Variants in PNPT1 observed in about 807,000 individuals in gnomAD.
The protein encoded by PNPT1 is polyribonucleotide nucleotidyltransferase 1, mitochondrial.
A neutral mutation model predicts 119.5 loss-of-function variants in PNPT1; 53 were observed. That is an observed-to-expected ratio of 0.44 (90% CI 0.36 to 0.56). The LOEUF is 0.56. PNPT1 is among the 20% of genes least tolerant of loss of function. The pLI is 0.00. For synonymous variants in PNPT1, 357 were observed against 322.1 expected, an observed-to-expected ratio of 1.11 and a Z score of -1.16; for missense variants, 948 against 938.5, an observed-to-expected ratio of 1.01 and a Z score of -0.13.
At position 55,691,879 on chromosome 2, in the gene PNPT1, T is replaced by TATATATATATATATATA. The variant is rs1491131806; in HGVS notation, c.161+1783_161+1784insTATATATATATATATAT. Among the ~76,000 whole-genome samples the TATATATATATATATATA allele has an allele frequency of 8.2e-4, 7 of 8,508 alleles. No individual in the cohort carries two copies. The Admixed American group carries it at 0.011, about 14-fold the overall frequency. The allele number at this position is 8,508 out of a possible 152,430, so 5.6% of individuals were successfully genotyped here. ...ATATATATATATATATATATATATA[T>TATATATATATATATATA]TTTTTTTTTTTTTTTTTTTTTTTGA... On this transcript the variant is annotated intron_variant, in intron 1 of 27. Coordinates refer to ENST00000447944, the MANE Select transcript of PNPT1 (RefSeq NM_033109.5).
chr2:55,638,938 C>T (rs913700218), intron 26 of PNPT1, among the ~76,000 whole-genome samples: 2 of 152,058 alleles, frequency 1.3e-5, no homozygotes, highest in Admixed American at 6.6e-5. Context: ...TCATGCCCAG[C>T]TAATTTTTTC....
chr2:55,642,449 A>G (rs1195269333), intron 25 of PNPT1, among the ~76,000 whole-genome samples: 1 of 151,802 alleles, frequency 6.6e-6, no homozygotes, highest in East Asian at 2.0e-4. Flanking sequence ...TACTAAAAAT[A>G]CAAAAAATAA....
intron 1 of PNPT1, among the ~76,000 whole-genome samples, chr2:55,689,967 G>A (rs921615787): frequency 1.3e-5 from 2 of 152,086 alleles, no homozygotes; most frequent in African/African-American, 4.8e-5. Flanking sequence ...AAATACAGGT[G>A]TGCACCACCA....
rs563323739 is a variant in PNPT1, at chr2:55,649,794, G to C, written c.1496-2341C>G. 2.6e-5 allele frequency among the ~76,000 whole-genome samples: 4 copies of C among 152,342 alleles called. No individual in the cohort carries two copies. The East Asian group carries it at 7.7e-4, about 29-fold the overall frequency. On this transcript the variant is annotated intron_variant, in intron 18 of 27. Coordinates refer to ENST00000447944, the MANE Select transcript of PNPT1 (RefSeq NM_033109.5). ...TACATGTCCTATTCCTAGAGAGTCA[G>C]TATTCGGATTAGCTTATTAAAGTCT...
chr2:55,642,005 C>A (rs1695847609), intron 25 of PNPT1, among the ~76,000 whole-genome samples: 1 of 152,062 alleles, frequency 6.6e-6, no homozygotes, highest in Non-Finnish European at 1.5e-5. Context: ...CCATGCCTGG[C>A]TAACTTTTGT....
intron 8 of PNPT1, among the ~76,000 whole-genome samples, chr2:55,676,262 C>CAAAAAAAAAAAAAAAAAA (rs11400030): frequency 1.2e-5 from 1 of 82,852 alleles, no homozygotes; most frequent in Non-Finnish European, 2.1e-5. Flanking sequence ...CCATCTCAAC[C>CAAAAAAAAAAAAAAAAAA]AAAAAAAAAA....
intron 8 of PNPT1, among the ~76,000 whole-genome samples, chr2:55,675,771 C>T (rs779289018): frequency 1.7e-4 from 26 of 152,096 alleles, no homozygotes; most frequent in Admixed American, 3.3e-4. Flanking sequence ...ATGGTAACTA[C>T]TAGCCACATA....
chr2:55,655,238 A>G (rs1389686880), intron 17 of PNPT1, among the ~76,000 whole-genome samples: 1 of 152,168 alleles, frequency 6.6e-6, no homozygotes, highest in East Asian at 1.9e-4. Flanking sequence ...TATCATCACA[A>G]AAAGTTTTAT....
intron 18 of PNPT1, among the ~76,000 whole-genome samples, chr2:55,653,697 G>A (rs1696283540): frequency 6.6e-6 from 1 of 152,144 alleles, no homozygotes; most frequent in African/African-American, 2.4e-5. Context: ...TTCCTTTATT[G>A]AATAAATTAC....
At chr2:55,655,021 G>T in intron 17 of PNPT1, 68 bp from the exon 18 acceptor site, 1 of 1,352,892 alleles carries the variant, frequency 7.4e-7, no homozygotes, top group South Asian at 1.2e-5. Context: ...GTTACTATTG[G>T]TTATTTCCTT....
chr2:55,643,339 T>C lies in PNPT1; in HGVS notation c.1993A>G (p.Thr665Ala). The C allele has an allele frequency of 6.2e-7, 1 of 1,614,188 alleles. No individual in the cohort carries two copies. Among genetic ancestry groups the C allele is most frequent in the South Asian group, 1.1e-5 (1 of 91,084 alleles). Reference sequence around the variant, plus strand: ...CTTACATCATCCTTGCAGATTTCAGTAATGAAGTCTCTTGCCTCATGCATA... The same window carrying C: ...CTTACATCATCCTTGCAGATTTCAGCAATGAAGTCTCTTGCCTCATGCATA... ...SAMHEARDFI[T>A]EICKDDQEQQ... Residue 665 changes from threonine to alanine, a missense_variant, in exon 24 of 28, where the codon ACT (threonine) becomes GCT (alanine). Coordinates refer to ENST00000447944, the MANE Select transcript of PNPT1 (RefSeq NM_033109.5).
chr2:55,669,594 G>C (rs559874202), intron 11 of PNPT1, among the ~76,000 whole-genome samples: 2 of 152,266 alleles, frequency 1.3e-5, no homozygotes, highest in African/African-American at 4.8e-5. Flanking sequence ...GGGTCGTGAA[G>C]ATATTCTACT....
intron 15 of PNPT1, among the ~76,000 whole-genome samples, 162 bp downstream of exon 15, chr2:55,659,995 T>A (rs1696512628): frequency 1.3e-5 from 2 of 151,970 alleles, no homozygotes; most frequent in Admixed American, 1.3e-4. Context: ...TCCCAGCTAC[T>A]TGGGAGGCTG....
At chr2:55,639,067 C>T (rs1046497037) in intron 26 of PNPT1, among the ~76,000 whole-genome samples, 4 of 152,100 alleles carry the variant, frequency 2.6e-5, no homozygotes, top group Non-Finnish European at 4.4e-5. Context: ...TGAGCCACTG[C>T]ACCTGGCCCA....
chr2:55,656,103 C>T (rs865835043), intron 17 of PNPT1, 28 bp downstream of exon 17: 3 of 1,595,896 alleles, frequency 1.9e-6, no homozygotes, highest in Non-Finnish European at 2.6e-6. Context: ...GTCTTTTCTA[C>T]TATGAAAGAA....
At chr2:55,686,013 A>G (rs1008908378) in intron 3 of PNPT1, among the ~76,000 whole-genome samples, 1 of 152,170 alleles carries the variant, frequency 6.6e-6, no homozygotes, top group Non-Finnish European at 1.5e-5. Flanking sequence ...GGTTGGTTGA[A>G]TCCATGGATG....
chr2:55,660,190 C>G lies in PNPT1; in HGVS notation c.1251G>C (p.Gly417=). The G allele has an allele frequency of 1.9e-6, 3 of 1,588,794 alleles. No homozygotes were observed. The highest frequency in any genetic ancestry group is 1.7e-6 in the Non-Finnish European group (2 of 1,167,942). ...KSDQVITAIN[G]IKDKNFMLHY... is the part of the protein sequence containing the mutation. The stretch of plus-strand genomic sequence containing the variant: ...GCAGCATGAAATTTTTATCTTTTAT[C>G]CCACTAAAAATAAAAGGCATAATAT... The change falls in exon 15 of 28, where the codon GGG becomes GGC. Residue 417 remains glycine, a synonymous_variant. Transcript: ENST00000447944.
intron 13 of PNPT1, among the ~76,000 whole-genome samples, chr2:55,662,490 T>C (rs1696608141): frequency 6.6e-6 from 1 of 152,128 alleles, no homozygotes; most frequent in Non-Finnish European, 1.5e-5. Flanking sequence ...GCCTGGCCGA[T>C]ACGGTGAAAC....
intron 3 of PNPT1, among the ~76,000 whole-genome samples, chr2:55,685,913 T>G (rs1697391460): frequency 6.6e-6 from 1 of 152,190 alleles, no homozygotes; most frequent in African/African-American, 2.4e-5. Flanking sequence ...ATAAATAGTT[T>G]TTATACCGTA....
Sources: allele counts gnomAD v4.1 joint callset (sites outside exome capture counted in the v4.1 genomes callset), GRCh38; gene constraint gnomAD v4.1.1; transcripts MANE v1.5; gene names NCBI Gene and HGNC (gene_info 2026-07-23, HGNC 2026-07-21).